The following ARCN1 variants were observed in gnomAD, a reference collection of about 807,000 sequenced individuals.
The protein encoded by ARCN1 is archain 1 coat protein complex I subunit delta.
Under a neutral mutation model 60.4 loss-of-function variants are expected in ARCN1, and 5 were observed. The observed-to-expected ratio is 0.08, with a 90% confidence interval of 0.04 to 0.17. The LOEUF (loss-of-function observed/expected upper bound fraction) is 0.17, where lower values mean the gene tolerates loss of function less well. ARCN1 is among the 10% of genes least tolerant of loss of function. The probability of loss-of-function intolerance (pLI) is 1.00; values close to 1 mark genes in which losing one functional copy is unlikely to be tolerated. For synonymous variants in ARCN1, 224 were observed against 220.0 expected, an observed-to-expected ratio of 1.02 and a Z score of -0.16; for missense variants, 464 against 626.5, an observed-to-expected ratio of 0.74 and a Z score of 2.77.
At chr11:118,593,396 T>C (rs1254938623) in intron 7 of ARCN1, among the ~76,000 whole-genome samples, 194 bp from the exon 8 acceptor site, 1 of 150,770 alleles carries the variant, frequency 6.6e-6, no homozygotes, top group East Asian at 1.9e-4. Flanking sequence ...CCTGGCTTTT[T>C]TTTTTTTTTT....
chr11:118,576,417 CA>C (rs1938506201), intron 1 of ARCN1, among the ~76,000 whole-genome samples: 1 of 32,364 alleles, frequency 3.1e-5, no homozygotes, highest in South Asian at 7.6e-4. Flanking sequence ...ATGTTTTTTC[CA>C]AAAATGTTAA....
At chr11:118,592,975 T>G in intron 7 of ARCN1, 119 bp downstream of exon 7, 1 of 1,043,156 alleles carries the variant, frequency 9.6e-7, no homozygotes, top group African/African-American at 1.6e-5. Flanking sequence ...AATGACTTTC[T>G]TTTGAAATGG....
rs1218449546 is a variant in ARCN1 at position 118,601,317 on chromosome 11, C to T, written c.*603C>T. ...GCTCAGGCAATCCGCCCACCTCAGC[C>T]TCCCAAAGTGTTGGGATTACAGGCA... On this transcript the variant is annotated 3_prime_UTR_variant, in exon 10 of 10. Transcript: ENST00000264028. 2.4e-6 allele frequency: 1 copy of T among 419,876 alleles called. No homozygotes were observed. Among genetic ancestry groups the T allele is most frequent in the South Asian group, 1.8e-5 (1 of 54,720 alleles). 26.0% of individuals were successfully genotyped at this position (419,876 alleles called of 1,614,324 possible).
At chr11:118,590,768 A>G (rs117680180) in intron 6 of ARCN1, among the ~76,000 whole-genome samples, 288 of 152,356 alleles carry the variant, frequency 1.9e-3, no homozygotes, top group Non-Finnish European at 2.0e-3. Flanking sequence ...CATACTCACC[A>G]ATAAAAGGTA....
chr11:118,590,518 C>T lies in ARCN1; in HGVS notation c.984+12C>T. 1 of 1,613,418 alleles carries T rather than the reference C, an allele frequency of 6.2e-7. No homozygotes were observed. The highest frequency in any genetic ancestry group is 8.5e-7 in the Non-Finnish European group (1 of 1,179,634). On this transcript the variant is annotated intron_variant, in intron 6 of 9. Coordinates refer to ENST00000264028, the MANE Select transcript of ARCN1 (RefSeq NM_001655.5). ...GGGTGCAGCTACAGGTGTGTAGAAG[C>T]TTTTGATAGGGAGTATTAACACTTT...
At position 118,597,625 on chromosome 11, in the gene ARCN1, A is replaced by C. The variant is rs185042625; in HGVS notation, c.1242-82A>C. 89 of 1,495,008 alleles carry C rather than the reference A, an allele frequency of 6.0e-5. No individual in the cohort carries two copies. The African/African-American group carries it at 1.0e-3, about 17-fold the overall frequency. The allele number at this position is 1,495,008 out of a possible 1,614,324, so 92.6% of individuals were successfully genotyped here. Reference sequence around the variant, plus strand: ...TCCTAGAAGGCAAAATTTGGGGATCATATATCAAATTTGGGGTTGGTTTTC... The same window carrying C: ...TCCTAGAAGGCAAAATTTGGGGATCCTATATCAAATTTGGGGTTGGTTTTC... On this transcript the variant is annotated intron_variant, in intron 8 of 9. Coordinates refer to ENST00000264028, the MANE Select transcript of ARCN1 (RefSeq NM_001655.5).
chr11:118,582,096 G>T (rs1250010045), intron 2 of ARCN1, among the ~76,000 whole-genome samples: 1 of 152,046 alleles, frequency 6.6e-6, no homozygotes, highest in East Asian at 1.9e-4. Flanking sequence ...GAGTTCAAGT[G>T]CACAGGCATT....
In ARCN1 at chr11:118,597,982, A is replaced by G; in HGVS notation, c.1446+71A>G. On this transcript the variant is annotated intron_variant, in intron 9 of 9. Coordinates refer to ENST00000264028, the MANE Select transcript of ARCN1 (RefSeq NM_001655.5). ...AGTAGGAACACGTATAGGATGCCAGACAGGTAGCATGGCTTTTTGTGGTCA... is the reference window on the plus strand; with the variant it reads ...AGTAGGAACACGTATAGGATGCCAGGCAGGTAGCATGGCTTTTTGTGGTCA... 5 of 1,486,176 alleles carry G rather than the reference A, an allele frequency of 3.4e-6. No individual in the cohort carries two copies. The South Asian group carries it at 5.9e-5, about 18-fold the overall frequency. The allele number at this position is 1,486,176 out of a possible 1,614,324, so 92.1% of individuals were successfully genotyped here. A position where few individuals can be genotyped will look rare whatever the true frequency, so the allele number is the denominator to read the frequency against.
chr11:118,592,689 T>C lies in ARCN1; in HGVS notation c.985-20T>C, dbSNP rs782334407. 18 of 1,605,710 alleles carry C rather than the reference T, an allele frequency of 1.1e-5. No individual in the cohort carries two copies. Among genetic ancestry groups the C allele is most frequent in the Non-Finnish European group, 1.5e-5 (18 of 1,174,484 alleles). ...TCGTCTATCTGAACCTCAGGAGTTT[T>C]CCTTTCCCTCTCATTCTAGACCCAT... On this transcript the variant is annotated intron_variant, in intron 6 of 9. Transcript: ENST00000264028.
chr11:118,585,537 A>C (rs1287890549), intron 5 of ARCN1, among the ~76,000 whole-genome samples: 1 of 151,924 alleles, frequency 6.6e-6, no homozygotes, highest in Non-Finnish European at 1.5e-5. Context: ...TTGCATTTTT[A>C]TTTTATTTAT....
At chr11:118,593,545 A>G (rs376845471) in intron 7 of ARCN1, 45 bp from the exon 8 acceptor site, 18 of 1,407,540 alleles carry the variant, frequency 1.3e-5, no homozygotes, top group Non-Finnish European at 1.7e-5. Context: ...GCACCCAGCC[A>G]TCTTTTTCTA....
At chr11:118,580,602 A>C (rs1403489248) in intron 1 of ARCN1, among the ~76,000 whole-genome samples, 3 of 152,186 alleles carry the variant, frequency 2.0e-5, no homozygotes, top group Non-Finnish European at 4.4e-5. Flanking sequence ...AAAAATTAGC[A>C]ATAATTTTTA....
chr11:118,576,664 C>A (rs970859647), intron 1 of ARCN1, among the ~76,000 whole-genome samples: 1 of 152,074 alleles, frequency 6.6e-6, no homozygotes, highest in South Asian at 2.1e-4. Flanking sequence ...TTAGAGGTGA[C>A]CATACCTTCT....
intron 6 of ARCN1, 93 bp downstream of exon 6, chr11:118,590,599 T>C: frequency 1.5e-6 from 2 of 1,327,738 alleles, no homozygotes; most frequent in African/African-American, 2.9e-5. Flanking sequence ...CACAGAAAAT[T>C]ACTTAAGTTA....
In ARCN1 at chr11:118,601,611, G is replaced by T; in HGVS notation, c.*897G>T. 1 of 702,666 alleles carries T rather than the reference G, an allele frequency of 1.4e-6. No homozygotes were observed. 43.5% of individuals were successfully genotyped at this position (702,666 alleles called of 1,614,324 possible). The stretch of plus-strand genomic sequence containing the variant: ...GGACTATTCAGGTGAACTATTTGAG[G>T]GGTATGGGGTCTAGAAGTTAAAAGA... On this transcript the variant is annotated 3_prime_UTR_variant, in exon 10 of 10. Coordinates refer to ENST00000264028, the MANE Select transcript of ARCN1 (RefSeq NM_001655.5).
chr11:118,597,572 T>C (rs570712000), intron 8 of ARCN1, 135 bp from the exon 9 acceptor site: 6 of 383,052 alleles, frequency 1.6e-5, no homozygotes, highest in South Asian at 7.0e-5. Context: ...CTTGAAGTTA[T>C]TAGCCTTTTT....
intron 6 of ARCN1, among the ~76,000 whole-genome samples, chr11:118,592,066 G>T (rs1043607253): frequency 1.3e-5 from 2 of 151,740 alleles, no homozygotes; most frequent in African/African-American, 4.8e-5. Flanking sequence ...GATTACAGGC[G>T]TGCGCCACCA....
chr11:118,584,970 C>T (rs370820396), intron 5 of ARCN1, among the ~76,000 whole-genome samples: 93 of 151,776 alleles, frequency 6.1e-4, no homozygotes, highest in Non-Finnish European at 1.0e-3. Context: ...GGACCACAGG[C>T]GCCCACCCCT....
intron 5 of ARCN1, 108 bp downstream of exon 5, chr11:118,584,752 T>G (rs1938739168): frequency 9.6e-7 from 1 of 1,043,360 alleles, no homozygotes; most frequent in South Asian, 2.0e-5. Flanking sequence ...TTTTAATCGT[T>G]CCTGATTTAA....
Sources: allele counts gnomAD v4.1 joint callset (sites outside exome capture counted in the v4.1 genomes callset), GRCh38; gene constraint gnomAD v4.1.1; transcripts MANE v1.5; gene names NCBI Gene and HGNC (gene_info 2026-07-23, HGNC 2026-07-21).